The following HELQ variants were observed in gnomAD, a reference collection of about 807,000 sequenced individuals.
HELQ encodes helicase, POLQ like.
HELQ carries 77 observed loss-of-function variants against 111.6 expected under a neutral mutation model. The observed-to-expected ratio is 0.69, with a 90% CI of 0.57 to 0.83. The LOEUF (loss-of-function observed/expected upper bound fraction) is 0.83, where lower values mean the gene tolerates loss of function less well. Ranked by LOEUF, HELQ falls within the 40% of genes least tolerant of loss-of-function variation. The pLI is 0.00. For missense variants in HELQ, 1,200 were observed against 1,288.5 expected (o/e 0.93, Z 1.05); for synonymous variants, 438 against 454.7 (o/e 0.96, Z 0.47).
Position 83,418,178 on chromosome 4 carries a change from G to T in HELQ, c.2978C>A (p.Ala993Asp), listed in dbSNP as rs80027102. 6.2e-7 allele frequency: 1 copy of T among 1,606,058 alleles called. No individual in the cohort carries two copies. Among genetic ancestry groups the T allele is most frequent in the Non-Finnish European group, 8.5e-7 (1 of 1,175,448 alleles). ...CTTCTTGGTAAGTTCTACCAAAAGG[G>T]CTCTGTAAACCCAAAACTCCTCAAG... is the stretch of plus-strand genomic sequence containing the variant. ...EELEEFWVYR[A>D]LLVELTKKLT... The change falls in exon 16 of 18, where the codon GCC becomes GAC. Residue 993 changes from alanine (A) to aspartate (D), a missense_variant. This residue lies in a region of HELQ where 585 missense variants were observed against 665.3 expected (regional missense o/e 0.88). Coordinates refer to ENST00000295488, the MANE Select transcript of HELQ (RefSeq NM_133636.5).
In HELQ at chr4:83,448,915, T is replaced by C. The variant is rs149816747; in HGVS notation, c.1059A>G (p.Lys353=). The C allele has an allele frequency of 2.0e-4, 320 of 1,612,292 alleles. No individual in the cohort carries two copies. Among genetic ancestry groups the C allele is most frequent in the Non-Finnish European group, 2.2e-4 (260 of 1,178,606 alleles). The part of the protein sequence containing the change: ...CLTLNSVQER[K]NLIYSLPTSG... Reference sequence around the variant, plus strand: ...TTGTTGGCAAGGAATATATTAAATTTTTTCTTTCTTGCACAGAATTCAATG... The same window carrying C: ...TTGTTGGCAAGGAATATATTAAATTCTTTCTTTCTTGCACAGAATTCAATG... Residue 353 remains lysine, a synonymous_variant, in exon 3 of 18, where the codon AAA becomes AAG. Coordinates refer to ENST00000295488, the MANE Select transcript of HELQ (RefSeq NM_133636.5).
intron 8 of HELQ, among the ~76,000 whole-genome samples, chr4:83,438,028 T>A (rs184026471): frequency 1.8e-4 from 28 of 152,348 alleles, no homozygotes; most frequent in Admixed American, 4.6e-4. Flanking sequence ...CTTAAGCTTT[T>A]ATAATCAAAA....
At chr4:83,427,958 T>C (rs529362284) in intron 12 of HELQ, among the ~76,000 whole-genome samples, 1 of 152,314 alleles carries the variant, frequency 6.6e-6, no homozygotes, top group East Asian at 1.9e-4. Flanking sequence ...TTTCCATATG[T>C]ACCCCAAAAT....
intron 2 of HELQ, 57 bp downstream of exon 2, chr4:83,453,174 A>T: frequency 1.1e-6 from 1 of 936,978 alleles, no homozygotes. Context: ...ATTTACTTGC[A>T]CTAATATTAT....
chr4:83,417,260 T>A (rs1299563885), intron 16 of HELQ, among the ~76,000 whole-genome samples: 4 of 151,738 alleles, frequency 2.6e-5, no homozygotes, highest in African/African-American at 9.7e-5. Flanking sequence ...TGGAGTGCAA[T>A]GGTGCGATCT....
chr4:83,425,452 CTTAAAG>C (rs1259480867), intron 14 of HELQ, among the ~76,000 whole-genome samples: 1 of 152,108 alleles, frequency 6.6e-6, no homozygotes, highest in East Asian at 1.9e-4. Flanking sequence ...TTCAATTTCT[CTTAAAG>C]TTAGTGTATG....
Position 83,432,270 on chromosome 4 carries a change from G to C in HELQ, c.2049-3C>G, listed in dbSNP as rs376507691. ...CATAGGGAGCTCTTAAAATAACTCT[G>C]TGGAATTAATGAAAAATGATACTCT... On this transcript the variant is annotated splice_polypyrimidine_tract_variant and splice_region_variant and intron_variant, in intron 9 of 17. Transcript: ENST00000295488. 4.7e-5 allele frequency: 72 copies of C among 1,532,884 alleles called. No homozygotes were observed. The highest frequency in any genetic ancestry group is 6.0e-5 in the Non-Finnish European group (68 of 1,141,500). 95.0% of individuals were successfully genotyped at this position (1,532,884 alleles called of 1,614,324 possible).
chr4:83,448,976 A>C lies in HELQ; in HGVS notation c.1013-15T>G, dbSNP rs755437948. 1.3e-6 allele frequency: 2 copies of C among 1,534,660 alleles called. No homozygotes were observed. Among genetic ancestry groups the C allele is most frequent in the East Asian group, 4.6e-5 (2 of 43,676 alleles). On this transcript the variant is annotated splice_polypyrimidine_tract_variant and intron_variant, in intron 2 of 17. Coordinates refer to ENST00000295488, the MANE Select transcript of HELQ (RefSeq NM_133636.5). ...ATGTTGCCATTCTGTGGAATTAAAAAAAAAAAGGCATTATTTTCCCCTTCC... is the reference window on the plus strand; with the variant it reads ...ATGTTGCCATTCTGTGGAATTAAAACAAAAAAGGCATTATTTTCCCCTTCC...
At chr4:83,447,665 C>A (rs2110009649) in intron 3 of HELQ, among the ~76,000 whole-genome samples, 1 of 152,084 alleles carries the variant, frequency 6.6e-6, no homozygotes, top group Admixed American at 6.6e-5. Flanking sequence ...TTGAGATCAG[C>A]CTGGCCAACA....
At chr4:83,432,638 A>G (rs1477966641) in intron 9 of HELQ, among the ~76,000 whole-genome samples, 1 of 152,144 alleles carries the variant, frequency 6.6e-6, no homozygotes, top group Non-Finnish European at 1.5e-5. Flanking sequence ...TGGACTTTAT[A>G]CTCCATAAAT....
chr4:83,415,624 C>A (rs1360160833), intron 17 of HELQ, among the ~76,000 whole-genome samples: 1 of 150,562 alleles, frequency 6.6e-6, no homozygotes, highest in African/African-American at 2.5e-5. Flanking sequence ...TTCAATGAAC[C>A]CTTGAAATTG....
At chr4:83,407,956 A>G (rs1361128574) in intron 17 of HELQ, among the ~76,000 whole-genome samples, 2 of 152,188 alleles carry the variant, frequency 1.3e-5, no homozygotes, top group South Asian at 2.1e-4. Flanking sequence ...AAAATTTAGT[A>G]TGCTTTAAAA....
At chr4:83,407,830 A>G (rs556430642) in intron 17 of HELQ, among the ~76,000 whole-genome samples, 1 of 152,344 alleles carries the variant, frequency 6.6e-6, no homozygotes, top group South Asian at 2.1e-4. Flanking sequence ...GTTTTATTGA[A>G]GACTCAGCCA....
intron 9 of HELQ, among the ~76,000 whole-genome samples, chr4:83,433,667 A>G (rs1428099979): frequency 7.9e-6 from 1 of 126,116 alleles, no homozygotes; most frequent in East Asian, 2.0e-4. Context: ...CTCCGTCTCA[A>G]AAAAAAAAAA....
intron 17 of HELQ, among the ~76,000 whole-genome samples, chr4:83,412,164 C>G (rs559792928): frequency 6.6e-6 from 1 of 152,190 alleles, no homozygotes; most frequent in Non-Finnish European, 1.5e-5. Context: ...CTGTGCACTA[C>G]CCATTTTCCT....
intron 17 of HELQ, among the ~76,000 whole-genome samples, chr4:83,408,939 G>A (rs1431470006): frequency 2.0e-5 from 3 of 152,152 alleles, no homozygotes; most frequent in Admixed American, 6.5e-5. Context: ...GGGACTCTAG[G>A]AGGCAGTCTT....
intron 13 of HELQ, 34 bp downstream of exon 13, chr4:83,427,529 A>C: frequency 6.9e-7 from 1 of 1,445,938 alleles, no homozygotes; most frequent in African/African-American, 1.5e-5. Flanking sequence ...TTCATAAACG[A>C]AGTAGCCTAA....
At chr4:83,446,282 T>C (rs1005791171) in intron 4 of HELQ, among the ~76,000 whole-genome samples, 196 bp from the exon 5 acceptor site, 2 of 151,784 alleles carry the variant, frequency 1.3e-5, no homozygotes, top group Non-Finnish European at 2.9e-5. Flanking sequence ...AAAATCCTTA[T>C]AAATCTGGGA....
Position 83,455,512 on chromosome 4 carries a change from A to G in HELQ, c.182T>C (p.Val61Ala). 1 of 1,614,026 alleles carries G rather than the reference A, an allele frequency of 6.2e-7. No individual in the cohort carries two copies. The highest frequency in any genetic ancestry group is 8.5e-7 in the Non-Finnish European group (1 of 1,180,020). Reference protein sequence around the residue: ...RRRKTAGVLPVEVQPLLLSDS... With the variant: ...RRRKTAGVLPAEVQPLLLSDS... ...TGAGAGTAGAAGGGGCTGTACCTCA[A>G]CCGGCAGTACGCCCGCGGTTTTCCG... The change falls in exon 1 of 18, where the codon GTT becomes GCT. Residue 61 changes from valine to alanine, a missense_variant. By Grantham distance (64) the Val-to-Ala change is moderately conservative. Coordinates refer to ENST00000295488, the MANE Select transcript of HELQ (RefSeq NM_133636.5).
Sources: gnomAD v4.1 joint callset for allele counts (sites outside exome capture counted in the v4.1 genomes callset) on GRCh38, gnomAD v4.1.1 for gene constraint, gnomAD v4.1.1 regional missense constraint, MANE v1.5 for transcripts, NCBI Gene and HGNC (gene_info 2026-07-23, HGNC 2026-07-21) for gene names.